LYPLAL1: variants seen among roughly 807,000 people sequenced by gnomAD.
LYPLAL1 encodes lysophospholipase like 1.
A neutral mutation model predicts 19.7 loss-of-function variants in LYPLAL1; 23 were observed. That is an observed-to-expected ratio of 1.17 (90% CI 0.84 to 1.65). The LOEUF is 1.65. Ranked by LOEUF, LYPLAL1 falls within the 40% of genes most tolerant of loss-of-function variation. The pLI is 0.00. For synonymous variants in LYPLAL1, 119 were observed against 96.3 expected, an observed-to-expected ratio of 1.24 and a Z score of -1.38; for missense variants, 355 against 279.4, an observed-to-expected ratio of 1.27 and a Z score of -1.93.
At chr1:219,286,978 G>A in the LYPLAL1 span, among the ~76,000 whole-genome samples, 1 of 152,202 alleles carries the variant, frequency 6.6e-6, no homozygotes, top group Admixed American at 6.5e-5. Context: ...GACACACAAT[G>A]AGAGAAAAAC....
In LYPLAL1 at chr1:219,193,164, G is replaced by C; in HGVS notation, c.274G>C (p.Glu92Gln). ...AACCAATGACTGCCCAGAACACCTTGAATCAATTGATGTCATGTGTCAAGT... is the reference window on the plus strand; with the variant it reads ...AACCAATGACTGCCCAGAACACCTTCAATCAATTGATGTCATGTGTCAAGT... ...KITNDCPEHL[E>Q]SIDVMCQVLT... The change falls in exon 3 of 5, where the codon GAA becomes CAA. Residue 92 changes from glutamate (E) to glutamine (Q), a missense_variant. Coordinates refer to ENST00000366928, the MANE Select transcript of LYPLAL1 (RefSeq NM_138794.5). The C allele has an allele frequency of 5.0e-6, 8 of 1,609,174 alleles. No individual in the cohort carries two copies. Among genetic ancestry groups the C allele is most frequent in the Non-Finnish European group, 6.8e-6 (8 of 1,177,006 alleles).
the LYPLAL1 span, among the ~76,000 whole-genome samples, chr1:219,279,129 C>G: frequency 6.6e-6 from 1 of 152,110 alleles, no homozygotes; most frequent in Non-Finnish European, 1.5e-5. Context: ...AGGGCTCGTG[C>G]GTTTTTGCCT....
chr1:219,426,878 C>T, the LYPLAL1 span, among the ~76,000 whole-genome samples: 24 of 152,268 alleles, frequency 1.6e-4, no homozygotes, highest in South Asian at 4.6e-3. Context: ...GGATTACAGG[C>T]GTGAGCCACC....
the LYPLAL1 span, among the ~76,000 whole-genome samples, chr1:219,229,293 T>TAGAGAGAGAGAG: frequency 2.4e-5 from 2 of 84,074 alleles, no homozygotes; most frequent in African/African-American, 1.1e-4. Context: ...GACAAGCATT[T>TAGAGAGAGAGAG]TGAGAGAGAG....
the LYPLAL1 span, among the ~76,000 whole-genome samples, chr1:219,346,322 A>G: frequency 2.0e-5 from 3 of 152,284 alleles, no homozygotes; most frequent in East Asian, 5.8e-4. Context: ...AGTTAGGGAA[A>G]CAGGAATTAG....
chr1:219,367,836 T>C, the LYPLAL1 span, among the ~76,000 whole-genome samples: 1 of 152,158 alleles, frequency 6.6e-6, no homozygotes, highest in Non-Finnish European at 1.5e-5. Flanking sequence ...TTTACTTTTG[T>C]TCATTAAAAA....
chr1:219,410,576 A>G, the LYPLAL1 span, among the ~76,000 whole-genome samples: 1 of 152,172 alleles, frequency 6.6e-6, no homozygotes, highest in Non-Finnish European at 1.5e-5. Context: ...TCAGTCCCCT[A>G]CTGCACTGTG....
chr1:219,371,055 C>T, the LYPLAL1 span, among the ~76,000 whole-genome samples: 2 of 152,128 alleles, frequency 1.3e-5, no homozygotes, highest in Non-Finnish European at 2.9e-5. Flanking sequence ...GCCATATCAT[C>T]GTAGTTATAT....
At chr1:219,206,409 GA>G (rs1658570632) in intron 3 of LYPLAL1, among the ~76,000 whole-genome samples, 1 of 151,934 alleles carries the variant, frequency 6.6e-6, no homozygotes, top group South Asian at 2.1e-4. Context: ...GTGGAAAATT[GA>G]ATTCAAATAA....
At chr1:219,326,040 A>C in the LYPLAL1 span, among the ~76,000 whole-genome samples, 1 of 152,064 alleles carries the variant, frequency 6.6e-6, no homozygotes, top group Non-Finnish European at 1.5e-5. Context: ...CAGCCTCCCG[A>C]GTAGCTGGGA....
At chr1:219,196,945 C>T (rs960935809) in intron 3 of LYPLAL1, among the ~76,000 whole-genome samples, 1 of 151,960 alleles carries the variant, frequency 6.6e-6, no homozygotes, top group Admixed American at 6.6e-5. Context: ...AGGACTTCCT[C>T]AAGGAGAACT....
chr1:219,257,353 G>GTTTTTTTTTT, the LYPLAL1 span, among the ~76,000 whole-genome samples: 1 of 132,580 alleles, frequency 7.5e-6, no homozygotes, highest in Admixed American at 7.4e-5. Flanking sequence ...ATCCATACCA[G>GTTTTTTTTTT]TTTTTGTTTT....
chr1:219,231,456 T>C, the LYPLAL1 span, among the ~76,000 whole-genome samples: 1 of 152,114 alleles, frequency 6.6e-6, no homozygotes, highest in Non-Finnish European at 1.5e-5. Flanking sequence ...ATAAATATAT[T>C]CATGCAAATG....
the LYPLAL1 span, among the ~76,000 whole-genome samples, chr1:219,331,337 A>G: frequency 2.6e-5 from 4 of 152,178 alleles, no homozygotes; most frequent in South Asian, 8.3e-4. Flanking sequence ...TTCCAAACTC[A>G]GTAGCTTAAA....
chr1:219,355,102 T>A, the LYPLAL1 span, among the ~76,000 whole-genome samples: 1 of 152,190 alleles, frequency 6.6e-6, no homozygotes, highest in Admixed American at 6.5e-5. Context: ...AGCTATCTAA[T>A]AAATCTTTCT....
At chr1:219,219,736 CTG>C in the LYPLAL1 span, among the ~76,000 whole-genome samples, 2 of 151,946 alleles carry the variant, frequency 1.3e-5, no homozygotes, top group Admixed American at 6.6e-5. Flanking sequence ...GTGCATGTGT[CTG>C]TGTAAACTCA....
the LYPLAL1 span, among the ~76,000 whole-genome samples, chr1:219,416,037 T>G: frequency 4.6e-4 from 70 of 152,324 alleles, no homozygotes; most frequent in African/African-American, 1.7e-3. Flanking sequence ...AGTTTTAGAT[T>G]TACAGAAAAG....
At chr1:219,221,905 A>G in the LYPLAL1 span, among the ~76,000 whole-genome samples, 1 of 152,010 alleles carries the variant, frequency 6.6e-6, no homozygotes, top group Non-Finnish European at 1.5e-5. Context: ...ATGTTAAAAC[A>G]ATAGAGGGCT....
chr1:219,372,348 A>C, the LYPLAL1 span, among the ~76,000 whole-genome samples: 10,240 of 152,256 alleles, frequency 0.067, 484 homozygotes, highest in South Asian at 0.12. Context: ...AACCTCTAAA[A>C]TGTTAGAATC....
Sources: gnomAD v4.1 joint callset for allele counts (sites outside exome capture counted in the v4.1 genomes callset) on GRCh38, gnomAD v4.1.1 for gene constraint, MANE v1.5 for transcripts, NCBI Gene and HGNC (gene_info 2026-07-23, HGNC 2026-07-21) for gene names.